The following GXYLT2 variants were observed in gnomAD, a reference collection of about 807,000 sequenced individuals.
GXYLT2 encodes glycosyltransferase 8 domain containing 4.
In GXYLT2, 53 loss-of-function variants were observed where a neutral mutation model predicts 45.8. The ratio of observed to expected loss-of-function variants is 1.16; its 90% confidence interval spans 0.93 to 1.46. The LOEUF (loss-of-function observed/expected upper bound fraction) is 1.46. Ranked by LOEUF, GXYLT2 falls within the 40% of genes most tolerant of loss-of-function variation. The probability of loss-of-function intolerance (pLI) is 0.00; values close to 1 mark genes in which losing one functional copy is unlikely to be tolerated. For synonymous variants in GXYLT2, 219 were observed against 214.2 expected (o/e 1.02, Z -0.19); for missense variants, 551 against 544.4 (o/e 1.01, Z -0.12).
intron 3 of GXYLT2, among the ~76,000 whole-genome samples, chr3:72,938,073 C>T (rs542735439): frequency 1.3e-5 from 2 of 152,168 alleles, no homozygotes; most frequent in East Asian, 3.9e-4. Context: ...GCCTGGGCAA[C>T]ACAGTGAGAT....
At chr3:72,966,079 C>T (rs1575817693) in intron 5 of GXYLT2, among the ~76,000 whole-genome samples, 1 of 151,992 alleles carries the variant, frequency 6.6e-6, no homozygotes, top group African/African-American at 2.4e-5. Flanking sequence ...CTTCCGGGTT[C>T]TAGATTCTCG....
intron 5 of GXYLT2, among the ~76,000 whole-genome samples, chr3:72,967,263 T>C (rs1366826306): frequency 6.6e-6 from 1 of 152,202 alleles, no homozygotes; most frequent in Non-Finnish European, 1.5e-5. Flanking sequence ...AGAGTTGAGA[T>C]TTGGACCCAG....
At chr3:72,900,763 A>T (rs186511639) in intron 1 of GXYLT2, among the ~76,000 whole-genome samples, 2 of 152,328 alleles carry the variant, frequency 1.3e-5, no homozygotes, top group African/African-American at 4.8e-5. Context: ...TGCTTTAAAA[A>T]TTTTTACGAC....
rs1486135854 is a variant in GXYLT2 at position 72,975,603 on chromosome 3, A to G, written c.*444A>G. ...ACAGAGAGACACACTTGTAGAGCAT[A>G]TGGGTCAAGGGCTCAACATCAAGAT... On this transcript the variant is annotated 3_prime_UTR_variant, in exon 7 of 7. Coordinates refer to ENST00000389617, the MANE Select transcript of GXYLT2 (RefSeq NM_001080393.2). 2 of 154,282 alleles carry G rather than the reference A, an allele frequency of 1.3e-5. No homozygotes were observed. The highest frequency in any genetic ancestry group is 2.4e-5 in the African/African-American group (1 of 41,526). The allele number at this position is 154,282 out of a possible 1,614,324, so 9.6% of individuals were successfully genotyped here.
intron 3 of GXYLT2, among the ~76,000 whole-genome samples, chr3:72,932,210 G>A (rs994020081): frequency 2.0e-5 from 3 of 151,586 alleles, no homozygotes; most frequent in Admixed American, 6.6e-5. Context: ...CCACCACCAC[G>A]CCCAGCTAAT....
intron 1 of GXYLT2, among the ~76,000 whole-genome samples, chr3:72,892,389 A>G (rs896779060): frequency 1.3e-5 from 2 of 152,154 alleles, no homozygotes; most frequent in Non-Finnish European, 2.9e-5. Flanking sequence ...CTCTTAAAAT[A>G]TGGCTTCTAA....
At chr3:72,960,658 T>C (rs1167891948) in intron 5 of GXYLT2, among the ~76,000 whole-genome samples, 1 of 152,248 alleles carries the variant, frequency 6.6e-6, no homozygotes, top group Non-Finnish European at 1.5e-5. Context: ...GCATTTGATC[T>C]TCCTATTTCA....
At chr3:72,891,230 G>C (rs1251435915) in intron 1 of GXYLT2, among the ~76,000 whole-genome samples, 2 of 152,120 alleles carry the variant, frequency 1.3e-5, no homozygotes, top group African/African-American at 4.8e-5. Flanking sequence ...GCCTGGGGAG[G>C]GTCAGGCTTG....
At chr3:72,972,665 G>C (rs1221039759) in intron 6 of GXYLT2, among the ~76,000 whole-genome samples, 2 of 115,536 alleles carry the variant, frequency 1.7e-5, no homozygotes, top group African/African-American at 3.5e-5. Context: ...AAAAAAAGAA[G>C]CATATATTCT....
rs928291442 is a variant in GXYLT2 at position 72,948,478 on chromosome 3, A to G, written c.601-6620A>G. ...ACAAAAAGATATCTGGAAAATTCCAAATATTTGGAAATTAAACAAGACACT... is the reference window on the plus strand; with the variant it reads ...ACAAAAAGATATCTGGAAAATTCCAGATATTTGGAAATTAAACAAGACACT... On this transcript the variant is annotated intron_variant, in intron 3 of 6. Transcript: ENST00000389617. 4.6e-5 allele frequency among the ~76,000 whole-genome samples: 7 copies of G among 152,206 alleles called. No individual in the cohort carries two copies. In the East Asian group the frequency reaches 1.3e-3, roughly 29 times the overall value.
intron 5 of GXYLT2, among the ~76,000 whole-genome samples, chr3:72,965,909 C>T (rs941998794): frequency 6.6e-6 from 1 of 152,148 alleles, no homozygotes; most frequent in African/African-American, 2.4e-5. Context: ...GTTACCTTGG[C>T]ACAGGGCTTT....
At chr3:72,928,870 G>A (rs1342560881) in intron 3 of GXYLT2, among the ~76,000 whole-genome samples, 1 of 152,098 alleles carries the variant, frequency 6.6e-6, no homozygotes, top group East Asian at 1.9e-4. Flanking sequence ...GGGAGTCGTC[G>A]GGGTTTCCTG....
At chr3:72,908,241 T>C in intron 1 of GXYLT2, 126 bp from the exon 2 acceptor site, 1 of 653,604 alleles carries the variant, frequency 1.5e-6, no homozygotes, top group Non-Finnish European at 2.6e-6. Flanking sequence ...GCTTATCACT[T>C]TATAAAATAT....
chr3:72,927,912 C>T (rs1176795421), intron 3 of GXYLT2, among the ~76,000 whole-genome samples: 1 of 152,234 alleles, frequency 6.6e-6, no homozygotes, highest in Non-Finnish European at 1.5e-5. Flanking sequence ...AGAAACTCAA[C>T]TCCAACTAGC....
rs553494288 is a variant in GXYLT2 at position 72,904,644 on chromosome 3, T to TA, written c.276-3710dup. Among the ~76,000 whole-genome samples the TA allele has an allele frequency of 3.3e-3, 449 of 137,404 alleles. 2 individuals carry two copies. The highest frequency in any genetic ancestry group is 9.7e-3 in the African/African-American group (365 of 37,446). The allele number at this position is 137,404 out of a possible 152,430, so 90.1% of individuals were successfully genotyped here. The stretch of plus-strand genomic sequence containing the variant: ...GAACAGTGCATGCTTTTTTTTTAAT[T>TA]AAAAAAAAAAAAAGTCAAATGGTTT... On this transcript the variant is annotated intron_variant, in intron 1 of 6. Coordinates refer to ENST00000389617, the MANE Select transcript of GXYLT2 (RefSeq NM_001080393.2).
At chr3:72,913,582 C>G (rs1709677653) in intron 2 of GXYLT2, among the ~76,000 whole-genome samples, 2 of 151,910 alleles carry the variant, frequency 1.3e-5, no homozygotes, top group Admixed American at 1.3e-4. Context: ...GTAGTCCCAG[C>G]TACTCGGGAG....
At position 72,888,123 on chromosome 3, in the gene GXYLT2, C is replaced by A; in HGVS notation, c.-111C>A. 1.4e-6 allele frequency: 1 copy of A among 709,054 alleles called. No homozygotes were observed. The highest frequency in any genetic ancestry group is 1.7e-6 in the Non-Finnish European group (1 of 579,394). The allele number at this position is 709,054 out of a possible 1,614,324, so 43.9% of individuals were successfully genotyped here. A position where few individuals can be genotyped will look rare whatever the true frequency, so the allele number is the denominator to read the frequency against. ...CGGCCGCCACGACCCCAGTCCCCGGCGGGCGGGCGGAGGAGGCGACCGCCG... is the reference window on the plus strand; with the variant it reads ...CGGCCGCCACGACCCCAGTCCCCGGAGGGCGGGCGGAGGAGGCGACCGCCG... On this transcript the variant is annotated 5_prime_UTR_variant, in exon 1 of 7. Transcript: ENST00000389617.
chr3:72,956,342 ATGG>A (rs1340283619), intron 4 of GXYLT2, among the ~76,000 whole-genome samples: 1 of 152,216 alleles, frequency 6.6e-6, no homozygotes, highest in Non-Finnish European at 1.5e-5. Flanking sequence ...GGAATGGGAT[ATGG>A]AAGAAGAATA....
At chr3:72,936,678 G>A (rs1383154613) in intron 3 of GXYLT2, among the ~76,000 whole-genome samples, 2 of 151,492 alleles carry the variant, frequency 1.3e-5, no homozygotes, top group East Asian at 1.9e-4. Flanking sequence ...AAAAAAAACC[G>A]AAACAAATTA....
Sources: gnomAD v4.1 joint callset for allele counts (sites outside exome capture counted in the v4.1 genomes callset) on GRCh38, gnomAD v4.1.1 for gene constraint, MANE v1.5 for transcripts, NCBI Gene and HGNC (gene_info 2026-07-23, HGNC 2026-07-21) for gene names.